Variants in GRIA3 observed in about 807,000 individuals in gnomAD.
GRIA3 encodes the protein glutamate receptor 3.
GRIA3 carries 3 observed loss-of-function variants against 63.0 expected under a neutral mutation model. That is an observed-to-expected ratio of 0.05 (90% CI 0.02 to 0.12). The LOEUF (loss-of-function observed/expected upper bound fraction) is 0.12, where lower values mean the gene tolerates loss of function less well. Among genes scored for constraint, GRIA3 ranks in the 10% least tolerant of loss-of-function variants. GRIA3 has a pLI of 1.00. For missense variants in GRIA3, 347 were observed against 700.9 expected (o/e 0.50, Z 5.70); for synonymous variants, 274 against 257.9 (o/e 1.06, Z -0.60).
chrX:123,337,544 C>G (rs1397989208), intron 4 of GRIA3, among the ~76,000 whole-genome samples: 1 of 111,509 alleles, frequency 9.0e-6, no homozygotes, highest in Non-Finnish European at 1.9e-5. Flanking sequence ...AACGGATTTG[C>G]AAATCAGAAC....
At chrX:123,350,359 T>C (rs1400792300) in intron 4 of GRIA3, among the ~76,000 whole-genome samples, 1 of 111,047 alleles carries the variant, frequency 9.0e-6, no homozygotes, top group Non-Finnish European at 1.9e-5. Flanking sequence ...AATAACCTAA[T>C]CTGCATACCA....
intron 5 of GRIA3, among the ~76,000 whole-genome samples, chrX:123,379,774 C>A (rs1049685553): frequency 1.3e-4 from 13 of 103,444 alleles, no homozygotes; most frequent in African/African-American, 4.6e-4. Context: ...AGGTATATCT[C>A]CTACTGCTAT....
intron 2 of GRIA3, among the ~76,000 whole-genome samples, chrX:123,212,143 A>G (rs978837157): frequency 8.9e-6 from 1 of 112,188 alleles, no homozygotes; most frequent in Non-Finnish European, 1.9e-5. Flanking sequence ...ACAGTTAAGT[A>G]AAAGACACCA....
chrX:123,253,777 G>T, intron 3 of GRIA3: 2 of 367,670 alleles, frequency 5.4e-6, no homozygotes, highest in East Asian at 4.7e-5. Context: ...AATACCTCTT[G>T]ATTGAGTCAC....
At chrX:123,223,843 T>C (rs1205948774) in intron 2 of GRIA3, among the ~76,000 whole-genome samples, 1 of 112,252 alleles carries the variant, frequency 8.9e-6, no homozygotes, top group African/African-American at 3.2e-5. Flanking sequence ...ACAGCTAAGG[T>C]GCTCTTCAAG....
chrX:123,284,384 T>C (rs746120225), intron 3 of GRIA3, among the ~76,000 whole-genome samples: 25 of 111,372 alleles, frequency 2.2e-4, no homozygotes, highest in Non-Finnish European at 1.7e-4. Flanking sequence ...GGAATAAACC[T>C]GGACTGAGAA....
chrX:123,364,790 G>A (rs1253350368), intron 5 of GRIA3, among the ~76,000 whole-genome samples: 3 of 112,746 alleles, frequency 2.7e-5, no homozygotes, highest in African/African-American at 9.7e-5. Flanking sequence ...CCATAAAAGG[G>A]TGGAAATCCT....
At chrX:123,402,408 T>C (rs1018563811) in intron 7 of GRIA3, among the ~76,000 whole-genome samples, 1 of 110,145 alleles carries the variant, frequency 9.1e-6, no homozygotes, top group Non-Finnish European at 1.9e-5. Context: ...TATATATATA[T>C]ATATATATCT....
intron 2 of GRIA3, among the ~76,000 whole-genome samples, chrX:123,203,469 A>G (rs1419340294): frequency 2.7e-5 from 3 of 111,445 alleles, no homozygotes; most frequent in Non-Finnish European, 5.6e-5. Flanking sequence ...AATTCAAATG[A>G]TATCACGAGG....
rs141984973 is a variant in GRIA3, at chrX:123,432,648, A to C, written c.2076+4509A>C. On this transcript the variant is annotated intron_variant, in intron 12 of 15. Coordinates refer to ENST00000620443, the MANE Select transcript of GRIA3 (RefSeq NM_007325.5). ...GTTTCCTGATTCTCTAAAAGAATATAAGGCAGAAAAATCCCAGAGAGATGT... is the reference window on the plus strand; with the variant it reads ...GTTTCCTGATTCTCTAAAAGAATATCAGGCAGAAAAATCCCAGAGAGATGT... 7.6e-3 allele frequency among the ~76,000 whole-genome samples: 846 copies of C among 111,654 alleles called. 3 individuals are homozygous for C. The highest frequency in any genetic ancestry group is 0.018 in the Middle Eastern group (4 of 218).
At chrX:123,209,080 T>C (rs1361784723) in intron 2 of GRIA3, among the ~76,000 whole-genome samples, 2 of 111,056 alleles carry the variant, frequency 1.8e-5, no homozygotes, top group African/African-American at 6.6e-5. Context: ...GAGGTAAAAA[T>C]TATATAGAAT....
chrX:123,360,876 C>G (rs1259237824), intron 5 of GRIA3, among the ~76,000 whole-genome samples: 1 of 103,010 alleles, frequency 9.7e-6, no homozygotes. Context: ...CACACACACA[C>G]ACACACACAC....
At chrX:123,401,451 G>A (rs2045442948) in intron 7 of GRIA3, among the ~76,000 whole-genome samples, 2 of 111,767 alleles carry the variant, frequency 1.8e-5, no homozygotes, top group South Asian at 7.5e-4. Context: ...AGAGTATAAA[G>A]AGCCCTTCAT....
chrX:123,296,054 A>G (rs1228130920), intron 3 of GRIA3, among the ~76,000 whole-genome samples: 1 of 111,493 alleles, frequency 9.0e-6, no homozygotes, highest in East Asian at 2.8e-4. Flanking sequence ...TTTTATTTCA[A>G]TGTGTGCAAA....
At chrX:123,317,881 G>A (rs759350968) in intron 3 of GRIA3, among the ~76,000 whole-genome samples, 4 of 112,612 alleles carry the variant, frequency 3.6e-5, no homozygotes, top group South Asian at 3.7e-4. Context: ...TTTCCCTTCC[G>A]CATTGCCCTG....
At chrX:123,406,280 C>A (rs926995503) in intron 10 of GRIA3, among the ~76,000 whole-genome samples, 1 of 111,711 alleles carries the variant, frequency 9.0e-6, no homozygotes, top group South Asian at 3.7e-4. Flanking sequence ...GTAATAATAA[C>A]TCTCTGTCTA....
At chrX:123,377,126 C>T (rs892647620) in intron 5 of GRIA3, among the ~76,000 whole-genome samples, 16 of 109,581 alleles carry the variant, frequency 1.5e-4, no homozygotes, top group Admixed American at 8.8e-4. Context: ...TTAGTAGAGA[C>T]GGGGTTTCAC....
chrX:123,199,178 A>G (rs1003619871), intron 2 of GRIA3, among the ~76,000 whole-genome samples: 1 of 111,046 alleles, frequency 9.0e-6, no homozygotes, highest in Non-Finnish European at 1.9e-5. Context: ...GTCTCTCTCT[A>G]TTCTCTCCAG....
chrX:123,277,771 T>C (rs1333321191), intron 3 of GRIA3, among the ~76,000 whole-genome samples: 1 of 112,074 alleles, frequency 8.9e-6, no homozygotes, highest in African/African-American at 3.2e-5. Flanking sequence ...TTTGCATCAC[T>C]GAGCTTGTTT....
Sources: gnomAD v4.1 joint callset for allele counts (sites outside exome capture counted in the v4.1 genomes callset) on GRCh38, gnomAD v4.1.1 for gene constraint, MANE v1.5 for transcripts, NCBI Gene and HGNC (gene_info 2026-07-23, HGNC 2026-07-21) for gene names.